Variants in TTC27 observed in about 807,000 individuals in gnomAD.
TTC27 encodes tetratricopeptide repeat domain 27.
A neutral mutation model predicts 115.9 loss-of-function variants in TTC27; 79 were observed. That is an observed-to-expected ratio of 0.68 (90% CI 0.57 to 0.82). The LOEUF (loss-of-function observed/expected upper bound fraction) is 0.82. Ranked by LOEUF, TTC27 falls within the 40% of genes least tolerant of loss-of-function variation. The probability of loss-of-function intolerance (pLI) is 0.00; values close to 1 mark genes in which losing one functional copy is unlikely to be tolerated. For missense variants in TTC27, 1,054 were observed against 993.1 expected (o/e 1.06, Z -0.82); for synonymous variants, 401 against 356.0 (o/e 1.13, Z -1.42).
chr2:32,654,196 T>C (rs556061430), intron 5 of TTC27, among the ~76,000 whole-genome samples: 94 of 152,360 alleles, frequency 6.2e-4, no homozygotes, highest in Non-Finnish European at 1.1e-3. Context: ...CAAGTCCTGC[T>C]GACACTTTCC....
intron 9 of TTC27, among the ~76,000 whole-genome samples, chr2:32,696,134 A>C (rs1036078911): frequency 6.7e-6 from 1 of 150,176 alleles, no homozygotes; most frequent in Non-Finnish European, 1.5e-5. Flanking sequence ...AAAAAAAAAA[A>C]AAAAATAATT....
At chr2:32,775,194 T>TTTTG (rs1051780544) in intron 13 of TTC27, among the ~76,000 whole-genome samples, 1 of 152,134 alleles carries the variant, frequency 6.6e-6, no homozygotes. Flanking sequence ...TTACATGTGT[T>TTTTG]TTTGTTTGTT....
At chr2:32,706,691 A>C (rs1667381400) in intron 10 of TTC27, among the ~76,000 whole-genome samples, 1 of 151,858 alleles carries the variant, frequency 6.6e-6, no homozygotes, top group Non-Finnish European at 1.5e-5. Context: ...CAGCCTCCTG[A>C]GTAGCTGGAA....
intron 4 of TTC27, 98 bp downstream of exon 4, chr2:32,640,508 T>G: frequency 1.5e-6 from 2 of 1,310,788 alleles, no homozygotes; most frequent in Non-Finnish European, 2.1e-6. Context: ...TGGTCTATTT[T>G]GTTTTCTAAG....
chr2:32,723,259 A>G (rs533194964), intron 10 of TTC27, among the ~76,000 whole-genome samples: 63 of 152,260 alleles, frequency 4.1e-4, no homozygotes, highest in Admixed American at 7.8e-4. Flanking sequence ...TTTCCCTGAG[A>G]TAACACTGCG....
chr2:32,748,487 T>G (rs1668902528), intron 12 of TTC27, among the ~76,000 whole-genome samples: 1 of 152,222 alleles, frequency 6.6e-6, no homozygotes, highest in Admixed American at 6.5e-5. Context: ...ATCTTTTGTG[T>G]AGTTATTCTG....
chr2:32,777,796 T>A, intron 13 of TTC27, 86 bp from the exon 14 acceptor site: 1 of 1,266,850 alleles, frequency 7.9e-7, no homozygotes, highest in Non-Finnish European at 1.1e-6. Flanking sequence ...AGGAGTGTGT[T>A]TGTTGATAGC....
At chr2:32,732,470 C>T (rs1212311089) in intron 10 of TTC27, among the ~76,000 whole-genome samples, 2 of 152,198 alleles carry the variant, frequency 1.3e-5, no homozygotes, top group African/African-American at 2.4e-5. Context: ...AAATAGAGAA[C>T]TTTCAATTTA....
intron 19 of TTC27, 23 bp from the exon 20 acceptor site, chr2:32,820,793 C>T: frequency 6.6e-7 from 1 of 1,512,064 alleles, no homozygotes; most frequent in South Asian, 1.3e-5. Flanking sequence ...TTTAATACTT[C>T]TGCTTTGTTT....
intron 12 of TTC27, among the ~76,000 whole-genome samples, chr2:32,745,294 A>G (rs1433026051): frequency 6.6e-6 from 1 of 152,174 alleles, no homozygotes; most frequent in Non-Finnish European, 1.5e-5. Context: ...TGATATCATC[A>G]GGACTTTTTA....
intron 13 of TTC27, among the ~76,000 whole-genome samples, chr2:32,760,826 C>T (rs539446146): frequency 1.3e-5 from 2 of 152,206 alleles, no homozygotes; most frequent in African/African-American, 2.4e-5. Context: ...TTCTCTGCAG[C>T]GCACAGTCTG....
rs200468417 is a variant in TTC27, at chr2:32,758,514, A to G, written c.1675A>G (p.Met559Val). The change falls in exon 13 of 20, where the codon ATG becomes GTG. Residue 559 changes from methionine (M) to valine (V), a missense_variant. By Grantham distance (21) the Met-to-Val change is conservative. Coordinates refer to ENST00000317907, the MANE Select transcript of TTC27 (RefSeq NM_017735.5). ...CFERSVKINP[M>V]QLGVWFSLGC... ...CGAACGCTCGGTTAAGATTAATCCCATGCAGGTTAGACAACTCATAACCCC... is the reference window on the plus strand; with the variant it reads ...CGAACGCTCGGTTAAGATTAATCCCGTGCAGGTTAGACAACTCATAACCCC... The G allele has an allele frequency of 5.0e-6, 8 of 1,614,086 alleles. No individual in the cohort carries two copies. In the East Asian group the frequency reaches 1.8e-4, roughly 36 times the overall value.
chr2:32,820,895 CAG>C lies in TTC27; in HGVS notation c.2492_2493del (p.Glu831AlafsTer29). ...ATAACAGCTATGGACACCTTAGTGA[CAG>C]AGCTCCAAGACCTAAGCAACCAGTT... On this transcript the variant is annotated frameshift_variant, in exon 20 of 20. Coordinates refer to ENST00000317907, the MANE Select transcript of TTC27 (RefSeq NM_017735.5). LOFTEE classifies it high-confidence loss of function. The C allele has an allele frequency of 6.5e-7, 1 of 1,536,216 alleles. No homozygotes were observed. The highest frequency in any genetic ancestry group is 8.8e-7 in the Non-Finnish European group (1 of 1,137,070).
intron 19 of TTC27, among the ~76,000 whole-genome samples, chr2:32,818,223 A>G (rs1671570908): frequency 6.6e-6 from 1 of 152,200 alleles, no homozygotes; most frequent in African/African-American, 2.4e-5. Context: ...ATTTCAGTAC[A>G]TATTAGAAAA....
At chr2:32,812,447 A>T (rs1558356839) in intron 17 of TTC27, 57 bp from the exon 18 acceptor site, 1 of 1,300,250 alleles carries the variant, frequency 7.7e-7, no homozygotes, top group Non-Finnish European at 1.1e-6. Context: ...CAGGAAACAG[A>T]GTTTGAAATG....
At chr2:32,729,867 C>T (rs1553312602) in intron 10 of TTC27, among the ~76,000 whole-genome samples, 1 of 152,136 alleles carries the variant, frequency 6.6e-6, no homozygotes, top group Non-Finnish European at 1.5e-5. Flanking sequence ...ACCACCTCCT[C>T]ATACCACTTT....
rs10209907 is a variant in TTC27 at position 32,806,275 on chromosome 2, A to G, written c.1999-4749A>G. Among the ~76,000 whole-genome samples, 1,178 of 152,240 alleles carry G rather than the reference A, an allele frequency of 7.7e-3. 17 individuals carry two copies. Among genetic ancestry groups the G allele is most frequent in the African/African-American group, 0.027 (1,117 of 41,546 alleles). Reference sequence around the variant, plus strand: ...AGGCAAAGGGGTATAGTGCTGGTAAATTTGTAGACTACCCAAGAGGAAATT... The same window carrying G: ...AGGCAAAGGGGTATAGTGCTGGTAAGTTTGTAGACTACCCAAGAGGAAATT... On this transcript the variant is annotated intron_variant, in intron 16 of 19. Transcript: ENST00000317907.
intron 13 of TTC27, among the ~76,000 whole-genome samples, chr2:32,762,240 G>A (rs1468033810): frequency 1.3e-5 from 2 of 151,844 alleles, no homozygotes; most frequent in African/African-American, 4.8e-5. Context: ...CTAGGCAGGT[G>A]AAGAGTATGA....
chr2:32,765,662 T>G (rs1413517667), intron 13 of TTC27, among the ~76,000 whole-genome samples: 2 of 152,232 alleles, frequency 1.3e-5, no homozygotes, highest in Non-Finnish European at 2.9e-5. Context: ...AAAAGAAGGT[T>G]GTTTTGTCTT....
Sources: allele counts gnomAD v4.1 joint callset (sites outside exome capture counted in the v4.1 genomes callset), GRCh38; gene constraint gnomAD v4.1.1; transcripts MANE v1.5; gene names NCBI Gene and HGNC (gene_info 2026-07-23, HGNC 2026-07-21).